Variants in SLC7A14 observed in about 807,000 individuals in gnomAD.
The protein encoded by SLC7A14 is gamma-aminobutyric acid transporter SLC7A14.
A neutral mutation model predicts 60.2 loss-of-function variants in SLC7A14; 37 were observed. The observed-to-expected ratio is 0.61, with a 90% CI of 0.47 to 0.81. The LOEUF (loss-of-function observed/expected upper bound fraction) is 0.81. Ranked by LOEUF, SLC7A14 falls within the 30% of genes least tolerant of loss-of-function variation. The pLI is 0.00. For missense variants in SLC7A14, 886 were observed against 982.7 expected, an observed-to-expected ratio of 0.90 and a Z score of 1.32; for synonymous variants, 399 against 395.8, an observed-to-expected ratio of 1.01 and a Z score of -0.10.
intron 4 of SLC7A14, among the ~76,000 whole-genome samples, chr3:170,488,337 C>G (rs537132090): frequency 3.3e-5 from 5 of 152,326 alleles, no homozygotes; most frequent in African/African-American, 1.2e-4. Flanking sequence ...GCTTTCCCTA[C>G]AGCAAAGTTT....
intron 7 of SLC7A14, among the ~76,000 whole-genome samples, chr3:170,474,925 C>T (rs1433074834): frequency 1.3e-5 from 2 of 152,178 alleles, no homozygotes; most frequent in African/African-American, 4.8e-5. Context: ...ATAATAAAAA[C>T]CCGCAGGGAA....
At position 170,498,716 on chromosome 3, in the gene SLC7A14, T is replaced by C. The variant is rs780039912; in HGVS notation, c.710A>G (p.Asn237Ser). 5.0e-6 allele frequency: 8 copies of C among 1,614,044 alleles called. No individual in the cohort carries two copies. The Admixed American group carries it at 6.7e-5, about 13-fold the overall frequency. The stretch of plus-strand genomic sequence containing the variant: ...CTGGCCCTCCGCCCAGTATTTCCCA[T>C]TGATGAAGAAGAGGCCTGCGATCAT... ...FIMIAGLFFI[N>S]GKYWAEGQFL... The change falls in exon 4 of 8, where the codon AAT (asparagine) becomes AGT (serine). Residue 237 changes from asparagine (N) to serine (S), a missense_variant. Asn to Ser is a conservative substitution (Grantham distance 46). Coordinates refer to ENST00000231706, the MANE Select transcript of SLC7A14 (RefSeq NM_020949.3).
chr3:170,482,470 T>G (rs1392858034), intron 6 of SLC7A14, among the ~76,000 whole-genome samples: 5 of 152,218 alleles, frequency 3.3e-5, no homozygotes, highest in Non-Finnish European at 7.4e-5. Flanking sequence ...TCTGCACACC[T>G]GAGAGCTCCT....
chr3:170,512,646 C>T (rs1308830013), intron 2 of SLC7A14, among the ~76,000 whole-genome samples: 2 of 125,482 alleles, frequency 1.6e-5, no homozygotes, highest in Non-Finnish European at 3.4e-5. Flanking sequence ...CACATGTGTA[C>T]AATTTGCATT....
intron 1 of SLC7A14, among the ~76,000 whole-genome samples, chr3:170,533,007 G>A (rs564114204): frequency 6.6e-6 from 1 of 152,046 alleles, no homozygotes; most frequent in Non-Finnish European, 1.5e-5. Flanking sequence ...TCCCCAAGAT[G>A]CACACATACC....
intron 1 of SLC7A14, among the ~76,000 whole-genome samples, chr3:170,559,586 A>G (rs1714582935): frequency 6.6e-6 from 1 of 152,220 alleles, no homozygotes; most frequent in Non-Finnish European, 1.5e-5. Context: ...ATTAGTTTGC[A>G]TTATTCAAGA....
intron 1 of SLC7A14, among the ~76,000 whole-genome samples, chr3:170,554,297 T>C (rs1577558615): frequency 6.6e-6 from 1 of 152,368 alleles, no homozygotes; most frequent in Admixed American, 6.5e-5. Flanking sequence ...CAATTCAGAA[T>C]GACCAGAATG....
At chr3:170,487,771 C>T (rs1054043245) in intron 4 of SLC7A14, among the ~76,000 whole-genome samples, 2 of 152,164 alleles carry the variant, frequency 1.3e-5, no homozygotes, top group Admixed American at 6.5e-5. Context: ...ATCCTGGAGG[C>T]CATGGAATTC....
chr3:170,533,943 T>G (rs1713760250), intron 1 of SLC7A14, among the ~76,000 whole-genome samples: 1 of 152,246 alleles, frequency 6.6e-6, no homozygotes. Flanking sequence ...ACAGCCAACT[T>G]CGTTTTACTT....
chr3:170,543,986 G>A (rs1301551070), intron 1 of SLC7A14, among the ~76,000 whole-genome samples: 4 of 151,988 alleles, frequency 2.6e-5, no homozygotes, highest in Non-Finnish European at 4.4e-5. Context: ...CTGACCTTGT[G>A]ATCCACCCGC....
chr3:170,474,517 C>A (rs948468088), intron 7 of SLC7A14, among the ~76,000 whole-genome samples: 2 of 152,230 alleles, frequency 1.3e-5, no homozygotes, highest in Non-Finnish European at 2.9e-5. Flanking sequence ...ATTATTCTTG[C>A]TCGTCTGAGC....
At chr3:170,566,019 A>G (rs928398359) in intron 1 of SLC7A14, among the ~76,000 whole-genome samples, 1 of 152,114 alleles carries the variant, frequency 6.6e-6, no homozygotes, top group African/African-American at 2.4e-5. Context: ...GCTGATATAA[A>G]TTTTCCAGCC....
intron 1 of SLC7A14, among the ~76,000 whole-genome samples, chr3:170,569,222 G>C (rs991889145): frequency 1.4e-4 from 21 of 151,948 alleles, no homozygotes; most frequent in Non-Finnish European, 2.5e-4. Context: ...TAGCATGAAG[G>C]GTTGTTGAAT....
At chr3:170,530,682 G>A (rs146368904) in intron 1 of SLC7A14, among the ~76,000 whole-genome samples, 1 of 152,338 alleles carries the variant, frequency 6.6e-6, no homozygotes, top group East Asian at 1.9e-4. Context: ...GATCCTTTAA[G>A]GCAGCCCGGG....
At chr3:170,470,384 G>A (rs996088336) in intron 7 of SLC7A14, among the ~76,000 whole-genome samples, 2 of 148,422 alleles carry the variant, frequency 1.3e-5, no homozygotes, top group Non-Finnish European at 3.0e-5. Context: ...ATTGACTGTG[G>A]TTACTTTTTA....
At chr3:170,584,411 A>C (rs758445260) in intron 1 of SLC7A14, among the ~76,000 whole-genome samples, 1 of 152,162 alleles carries the variant, frequency 6.6e-6, no homozygotes, top group African/African-American at 2.4e-5. Context: ...ACTGCCTTTC[A>C]ACACTTTACC....
chr3:170,577,870 C>T (rs1382230547), intron 1 of SLC7A14, among the ~76,000 whole-genome samples: 1 of 152,154 alleles, frequency 6.6e-6, no homozygotes, highest in Non-Finnish European at 1.5e-5. Context: ...CAGATGGGTA[C>T]TGTGGTGTAT....
intron 1 of SLC7A14, among the ~76,000 whole-genome samples, chr3:170,527,419 T>C (rs1713546562): frequency 6.6e-6 from 1 of 152,318 alleles, no homozygotes; most frequent in Middle Eastern, 3.4e-3. Flanking sequence ...CTAGTGTTGA[T>C]GTGAAGATTA....
intron 1 of SLC7A14, among the ~76,000 whole-genome samples, chr3:170,531,873 C>T (rs1341514080): frequency 6.6e-6 from 1 of 151,990 alleles, no homozygotes; most frequent in African/African-American, 2.4e-5. Context: ...CTGGCATGCT[C>T]GAGGGTTCAG....
Sources: allele counts gnomAD v4.1 joint callset (sites outside exome capture counted in the v4.1 genomes callset), GRCh38; gene constraint gnomAD v4.1.1; transcripts MANE v1.5; gene names NCBI Gene and HGNC (gene_info 2026-07-23, HGNC 2026-07-21).